The following ADGRB2 variants were observed in gnomAD, a reference collection of about 807,000 sequenced individuals.
ADGRB2 encodes the protein adhesion G protein-coupled receptor B2.
Under a neutral mutation model 178.7 loss-of-function variants are expected in ADGRB2, and 47 were observed. The ratio of observed to expected loss-of-function variants is 0.26; its 90% CI spans 0.21 to 0.34. ADGRB2 has a LOEUF of 0.34. Ranked by LOEUF, ADGRB2 falls within the 10% of genes least tolerant of loss-of-function variation. The probability of loss-of-function intolerance (pLI) is 1.00; values close to 1 mark genes in which losing one functional copy is unlikely to be tolerated. For synonymous variants in ADGRB2, 870 were observed against 912.4 expected, an observed-to-expected ratio of 0.95 and a Z score of 0.84; for missense variants, 1,584 against 2,180.8, an observed-to-expected ratio of 0.73 and a Z score of 5.45.
chr1:31,735,289 G>A lies in ADGRB2; in HGVS notation c.3354-8C>T. 1 of 1,477,988 alleles carries A rather than the reference G, an allele frequency of 6.8e-7. No homozygotes were observed. The highest frequency in any genetic ancestry group is 9.0e-7 in the Non-Finnish European group (1 of 1,106,720). The allele number at this position is 1,477,988 out of a possible 1,614,324, so 91.6% of individuals were successfully genotyped here. On this transcript the variant is annotated splice_region_variant and splice_polypyrimidine_tract_variant and intron_variant, in intron 24 of 32. Coordinates refer to ENST00000373658, the MANE Select transcript of ADGRB2 (RefSeq NM_001364857.2). The surrounding 1 kb of genome is among the most constrained non-coding windows in gnomAD (Gnocchi z 6.0). The stretch of plus-strand genomic sequence containing the variant: ...CAGGGGCACCGCTCCGACCTCGGGG[G>A]CGGCACAGACATGGGAGAAGGAGGG...
Position 31,755,285 on chromosome 1 carries a change from G to A in ADGRB2, c.838+714C>T, listed in dbSNP as rs1221856837. Reference sequence around the variant, plus strand: ...GCCGTGGCTGAGGGAGCTGGGGTGGGAGCGGGAGCAGGCAGGACTCAAGGG... The same window carrying A: ...GCCGTGGCTGAGGGAGCTGGGGTGGAAGCGGGAGCAGGCAGGACTCAAGGG... On this transcript the variant is annotated intron_variant, in intron 4 of 32. Coordinates refer to ENST00000373658, the MANE Select transcript of ADGRB2 (RefSeq NM_001364857.2). This position sits in a 1 kb window ranked among gnomAD's most constrained non-coding sequence, Gnocchi z 5.1. Among the ~76,000 whole-genome samples, 4 of 152,208 alleles carry A rather than the reference G, an allele frequency of 2.6e-5. No individual in the cohort carries two copies. Among genetic ancestry groups the A allele is most frequent in the African/African-American group, 9.6e-5 (4 of 41,460 alleles).
chr1:31,739,262 C>T lies in ADGRB2; in HGVS notation c.2495+46G>A. The stretch of plus-strand genomic sequence containing the variant: ...TCAGTCCTCCTTCCCTTACCTGGGC[C>T]TTCCTGGACCCTCAGCAGCCCCAGC... On this transcript the variant is annotated intron_variant, in intron 15 of 32. Transcript: ENST00000373658. 2.8e-6 allele frequency: 4 copies of T among 1,436,650 alleles called. No homozygotes were observed. The South Asian group carries it at 6.0e-5, about 22-fold the overall frequency. 89.0% of individuals were successfully genotyped at this position (1,436,650 alleles called of 1,614,324 possible).
chr1:31,757,372 TCTCA>T lies in ADGRB2; in HGVS notation c.-61+6_-61+9del, dbSNP rs1646891666. On this transcript the variant is annotated splice_donor_region_variant and intron_variant, in intron 2 of 32. Coordinates refer to ENST00000373658, the MANE Select transcript of ADGRB2 (RefSeq NM_001364857.2). The stretch of plus-strand genomic sequence containing the variant: ...GAGGTTATTCCTGGAACAATGTCAT[TCTCA>T]CTCACTTGCTTTACTGAGAGGGAGA... 9.0e-6 allele frequency: 9 copies of T among 1,001,700 alleles called. No homozygotes were observed. Among genetic ancestry groups the T allele is most frequent in the Admixed American group, 1.8e-5 (1 of 55,494 alleles). 62.1% of individuals were successfully genotyped at this position (1,001,700 alleles called of 1,614,324 possible). A position where few individuals can be genotyped will look rare whatever the true frequency, so the allele number is the denominator to read the frequency against.
intron 4 of ADGRB2, among the ~76,000 whole-genome samples, chr1:31,750,416 C>T (rs1167824439): frequency 6.6e-6 from 1 of 152,194 alleles, no homozygotes; most frequent in Non-Finnish European, 1.5e-5. Context: ...ACCCCTGGTG[C>T]CAGCAGGCGG....
Position 31,741,510 on chromosome 1 carries a change from TG to T in ADGRB2, c.1688-32del. ...GGGCAATAGGACAGAGGTCTGGGCA[TG>T]GGGGCCGAGCTCTCACCCACACTCC... On this transcript the variant is annotated intron_variant, in intron 10 of 32. Transcript: ENST00000373658. The surrounding 1 kb of genome is among the most constrained non-coding windows in gnomAD (Gnocchi z 6.5). 1 of 1,580,988 alleles carries T rather than the reference TG, an allele frequency of 6.3e-7. No individual in the cohort carries two copies. The highest frequency in any genetic ancestry group is 8.6e-7 in the Non-Finnish European group (1 of 1,162,056).
In ADGRB2 at chr1:31,728,409, T is replaced by A; in HGVS notation, c.4417-129A>T. ...CCAGCCCCTCTGGGACAAGACCTAG[T>A]TCTCTCTTCACGTTGGTGCTATGGG... On this transcript the variant is annotated intron_variant, in intron 30 of 32. Coordinates refer to ENST00000373658, the MANE Select transcript of ADGRB2 (RefSeq NM_001364857.2). The surrounding 1 kb of genome is among the most constrained non-coding windows in gnomAD (Gnocchi z 6.7). 1 of 1,271,514 alleles carries A rather than the reference T, an allele frequency of 7.9e-7. No homozygotes were observed. Among genetic ancestry groups the A allele is most frequent in the Non-Finnish European group, 1.1e-6 (1 of 888,014 alleles). The allele number at this position is 1,271,514 out of a possible 1,614,324, so 78.8% of individuals were successfully genotyped here.
Position 31,743,127 on chromosome 1 carries a change from C to T in ADGRB2, c.1088-125G>A, listed in dbSNP as rs1569926114. The T allele has an allele frequency of 3.5e-6, 4 of 1,157,860 alleles. No homozygotes were observed. The East Asian group carries it at 1.3e-4, about 37-fold the overall frequency. 71.7% of individuals were successfully genotyped at this position (1,157,860 alleles called of 1,614,324 possible). A position where few individuals can be genotyped will look rare whatever the true frequency, so the allele number is the denominator to read the frequency against. The stretch of plus-strand genomic sequence containing the variant: ...CGGCTGCTCCTCATTGGCTCTGCCC[C>T]GGGATCTGTTGCCAGGGGGATCTCC... On this transcript the variant is annotated intron_variant, in intron 6 of 32. Transcript: ENST00000373658.
chr1:31,736,410 A>G lies in ADGRB2; in HGVS notation c.3131-20T>C. The G allele has an allele frequency of 6.2e-7, 1 of 1,613,566 alleles. No homozygotes were observed. Among genetic ancestry groups the G allele is most frequent in the Non-Finnish European group, 8.5e-7 (1 of 1,179,766 alleles). ...GCAGACCTGGGGGAGCAGGGGTGCC[A>G]GAGTGAGATGGTTGCTGGTCTTCAG... On this transcript the variant is annotated intron_variant, in intron 21 of 32. Transcript: ENST00000373658.
rs776439402 is a variant in ADGRB2 at position 31,735,859 on chromosome 1, C to T, written c.3235G>A (p.Ala1079Thr). 23 of 1,607,908 alleles carry T rather than the reference C, an allele frequency of 1.4e-5. No individual in the cohort carries two copies. The highest frequency in any genetic ancestry group is 2.2e-5 in the East Asian group (1 of 44,610). Residue 1079 changes from alanine (A) to threonine (T), a missense_variant, in exon 23 of 33, where the codon GCC (alanine) becomes ACC (threonine). Around this residue, in one of 3 missense-constraint regions of ADGRB2, gnomAD observed 865 missense variants for 1,192.8 expected, o/e 0.73. Coordinates refer to ENST00000373658, the MANE Select transcript of ADGRB2 (RefSeq NM_001364857.2). The surrounding 1 kb of genome is among the most constrained non-coding windows in gnomAD (Gnocchi z 6.0). ...ATGACGGCTGCAGGGCCCACAAAGGCGTAGAGCAGGCCGCCCTCCAGGGAG... is the reference window on the plus strand; with the variant it reads ...ATGACGGCTGCAGGGCCCACAAAGGTGTAGAGCAGGCCGCCCTCCAGGGAG... ...WLSLEGGLLY[A>T]FVGPAAVIVL...
At position 31,735,768 on chromosome 1, in the gene ADGRB2, G is replaced by A; in HGVS notation, c.3267+59C>T. 1 of 1,591,106 alleles carries A rather than the reference G, an allele frequency of 6.3e-7. No homozygotes were observed. The highest frequency in any genetic ancestry group is 1.1e-5 in the South Asian group (1 of 88,686). On this transcript the variant is annotated intron_variant, in intron 23 of 32. Coordinates refer to ENST00000373658, the MANE Select transcript of ADGRB2 (RefSeq NM_001364857.2). This position sits in a 1 kb window ranked among gnomAD's most constrained non-coding sequence, Gnocchi z 6.0. ...CTGGAGCGCAGGGAGGAGGTAGAGGGAGAAACAGGATGACCCTCTGGGGCC... is the reference window on the plus strand; with the variant it reads ...CTGGAGCGCAGGGAGGAGGTAGAGGAAGAAACAGGATGACCCTCTGGGGCC...
At chr1:31,737,617 C>A (rs2271932) in intron 19 of ADGRB2, 35 bp downstream of exon 19, 153,632 of 1,611,662 alleles carry the variant, frequency 0.095, 7,979 homozygotes, top group Admixed American at 0.17. Context: ...CCTGCCCCCC[C>A]TCCCCCAGCC....
Position 31,739,555 on chromosome 1 carries a change from C to T in ADGRB2, c.2248G>A (p.Asp750Asn). ...FPMRGRRGMK[D>N]WVRHSEDRLF... is the part of the protein sequence containing the mutation. ...CGGTCCTCTGAGTGCCGCACCCAGT[C>T]CTTCATGCCCCGGCGGCCCCGCATG... is the stretch of plus-strand genomic sequence containing the variant. The change falls in exon 15 of 33, where the codon GAC becomes AAC. Residue 750 changes from aspartate (D) to asparagine (N), a missense_variant. Asp to Asn is a conservative substitution (Grantham distance 23). Around this residue, in one of 3 missense-constraint regions of ADGRB2, gnomAD observed 865 missense variants for 1,192.8 expected, o/e 0.73. Coordinates refer to ENST00000373658, the MANE Select transcript of ADGRB2 (RefSeq NM_001364857.2). 2 of 1,612,690 alleles carry T rather than the reference C, an allele frequency of 1.2e-6. No homozygotes were observed. Among genetic ancestry groups the T allele is most frequent in the South Asian group, 1.1e-5 (1 of 91,010 alleles).
rs1440185788 is a variant in ADGRB2, at chr1:31,740,618, C to T, written c.1795-77G>A. 2.8e-6 allele frequency: 4 copies of T among 1,423,148 alleles called. No homozygotes were observed. The highest frequency in any genetic ancestry group is 2.5e-5 in the East Asian group (1 of 40,264). 88.2% of individuals were successfully genotyped at this position (1,423,148 alleles called of 1,614,324 possible). A position where few individuals can be genotyped will look rare whatever the true frequency, so the allele number is the denominator to read the frequency against. ...GACCCTGGCCCATCCCACTCCAGTCCACCCACTGCTTGCATCCACGGGGAG... is the reference window on the plus strand; with the variant it reads ...GACCCTGGCCCATCCCACTCCAGTCTACCCACTGCTTGCATCCACGGGGAG... On this transcript the variant is annotated intron_variant, in intron 11 of 32. Transcript: ENST00000373658. This position sits in a 1 kb window ranked among gnomAD's most constrained non-coding sequence, Gnocchi z 5.9.
chr1:31,760,355 A>T (rs944967998), intron 1 of ADGRB2, among the ~76,000 whole-genome samples: 4 of 151,976 alleles, frequency 2.6e-5, no homozygotes, highest in African/African-American at 9.7e-5. Flanking sequence ...CATGCCCCTG[A>T]CCCCAGCAAA....
Position 31,727,714 on chromosome 1 carries a change from G to T in ADGRB2, c.4573-109C>A. On this transcript the variant is annotated intron_variant, in intron 32 of 32. Transcript: ENST00000373658. This position sits in a 1 kb window ranked among gnomAD's most constrained non-coding sequence, Gnocchi z 4.4. ...AGGGCTGGTAATGCCCAAAGTTATG[G>T]AGCAATCAGGTGTCAAGCAGAATTC... is the stretch of plus-strand genomic sequence containing the variant. The T allele has an allele frequency of 8.4e-7, 1 of 1,189,780 alleles. No individual in the cohort carries two copies. The highest frequency in any genetic ancestry group is 1.1e-6 in the Non-Finnish European group (1 of 881,788). 73.7% of individuals were successfully genotyped at this position (1,189,780 alleles called of 1,614,324 possible). A position where few individuals can be genotyped will look rare whatever the true frequency, so the allele number is the denominator to read the frequency against.
At position 31,756,185 on chromosome 1, in the gene ADGRB2, A is replaced by C. The variant is rs201335663; in HGVS notation, c.652T>G (p.Phe218Val). Residue 218 changes from phenylalanine (F) to valine (V), a missense_variant, in exon 4 of 33, where the codon TTT (phenylalanine) becomes GTT (valine). Phe to Val is a conservative substitution (Grantham distance 50). Around this residue, in one of 3 missense-constraint regions of ADGRB2, gnomAD observed 657 missense variants for 847.6 expected, o/e 0.78. Coordinates refer to ENST00000373658, the MANE Select transcript of ADGRB2 (RefSeq NM_001364857.2). This position sits in a 1 kb window ranked among gnomAD's most constrained non-coding sequence, Gnocchi z 8.5. The stretch of plus-strand genomic sequence containing the variant: ...GGGCAGCTGCAGCCTGGCTGAGCAA[A>C]GCCGCAGGCCCTGCCGGCAGCGCGG... ...CGRAAGRACG[F>V]AQPGCSCPGE... The C allele has an allele frequency of 6.2e-6, 10 of 1,613,042 alleles. No individual in the cohort carries two copies. Among genetic ancestry groups the C allele is most frequent in the African/African-American group, 1.3e-5 (1 of 75,052 alleles).
intron 1 of ADGRB2, among the ~76,000 whole-genome samples, chr1:31,763,305 G>A (rs1647101063): frequency 6.6e-6 from 1 of 151,790 alleles, no homozygotes. Flanking sequence ...ATATGGGGGA[G>A]GGGGCGCTAG....
Position 31,759,357 on chromosome 1 carries a change from G to C in ADGRB2, c.-190-1846C>G, listed in dbSNP as rs745373068. On this transcript the variant is annotated intron_variant, in intron 1 of 32. Coordinates refer to ENST00000373658, the MANE Select transcript of ADGRB2 (RefSeq NM_001364857.2). This position sits in a 1 kb window ranked among gnomAD's most constrained non-coding sequence, Gnocchi z 4.3. ...GCCCTCTGAGGCTCAGCATATGACA[G>C]CTAAGTGTCAGGCAGGATCCTCTGC... is the stretch of plus-strand genomic sequence containing the variant. The C allele has an allele frequency of 1.3e-6, 1 of 779,710 alleles. No homozygotes were observed. Among genetic ancestry groups the C allele is most frequent in the Non-Finnish European group, 2.4e-6 (1 of 417,962 alleles). The allele number at this position is 779,710 out of a possible 1,614,324, so 48.3% of individuals were successfully genotyped here. A position where few individuals can be genotyped will look rare whatever the true frequency, so the allele number is the denominator to read the frequency against.
intron 7 of ADGRB2, 41 bp downstream of exon 7, chr1:31,742,797 G>C: frequency 1.4e-6 from 2 of 1,386,408 alleles, no homozygotes; most frequent in South Asian, 1.7e-5. Context: ...CCCCCACCGG[G>C]CTGGGCAGCG....
Sources: gnomAD v4.1 joint callset for allele counts (sites outside exome capture counted in the v4.1 genomes callset) on GRCh38, gnomAD v4.1.1 for gene constraint, gnomAD v4.1.1 regional missense constraint, Gnocchi (gnomAD v3.1) non-coding constraint, MANE v1.5 for transcripts, NCBI Gene and HGNC (gene_info 2026-07-23, HGNC 2026-07-21) for gene names.